PALM: variants seen among roughly 807,000 people sequenced by gnomAD.
The protein encoded by PALM is paralemmin.
In PALM, 18 loss-of-function variants were observed where a neutral mutation model predicts 30.7. The ratio of observed to expected loss-of-function variants is 0.59; its 90% confidence interval spans 0.41 to 0.87. PALM has a LOEUF of 0.87. Among genes scored for constraint, PALM ranks in the 40% least tolerant of loss-of-function variants. PALM has a pLI of 0.00. For missense variants in PALM, 529 were observed against 555.4 expected (o/e 0.95, Z 0.48); for synonymous variants, 286 against 242.8 (o/e 1.18, Z -1.66).
intron 8 of PALM, among the ~76,000 whole-genome samples, chr19:743,781 G>A (rs964931813): frequency 9.2e-5 from 14 of 152,174 alleles, no homozygotes; most frequent in African/African-American, 3.4e-4. Flanking sequence ...GGTCCTTGGA[G>A]AGTCCAACAC....
intron 2 of PALM, 23 bp from the exon 3 acceptor site, chr19:726,985 A>ACCCCCCCCCGCCCC: frequency 6.3e-6 from 6 of 945,364 alleles, no homozygotes; most frequent in East Asian, 6.1e-5. Context: ...CCCATCCCTG[A>ACCCCCCCCCGCCCC]CCCCACCCGG....
intron 1 of PALM, among the ~76,000 whole-genome samples, chr19:720,251 T>C (rs1441866556): frequency 1.3e-5 from 2 of 151,670 alleles, no homozygotes; most frequent in South Asian, 4.1e-4. Context: ...GACGGCGCGG[T>C]TGCCACGGCG....
intron 1 of PALM, among the ~76,000 whole-genome samples, chr19:717,598 C>G (rs562468741): frequency 5.3e-5 from 8 of 152,168 alleles, no homozygotes; most frequent in Non-Finnish European, 1.2e-4. Flanking sequence ...AGTTACCCCC[C>G]GAGATGGTTG....
chr19:723,236 C>T (rs552310025), intron 1 of PALM, among the ~76,000 whole-genome samples: 167 of 152,172 alleles, frequency 1.1e-3, no homozygotes, highest in Middle Eastern at 3.4e-3. Flanking sequence ...CAGAGAGGCA[C>T]GAGGGCTCTT....
chr19:726,965 G>GGGGGC, intron 2 of PALM, 43 bp from the exon 3 acceptor site: 2 of 1,037,618 alleles, frequency 1.9e-6, no homozygotes, highest in Non-Finnish European at 1.4e-6. Context: ...GGGTCTCCGG[G>GGGGGC]ACCCCCACGC....
intron 1 of PALM, among the ~76,000 whole-genome samples, chr19:720,834 G>A (rs114114535): frequency 0.041 from 6,204 of 152,234 alleles, 283 homozygotes; most frequent in African/African-American, 0.11. Context: ...CGGTCTGAGC[G>A]GCCACCTGCC....
intron 5 of PALM, among the ~76,000 whole-genome samples, chr19:733,532 G>A (rs950524285): frequency 1.3e-5 from 2 of 152,184 alleles, no homozygotes; most frequent in African/African-American, 2.4e-5. Context: ...TCAGACAGGC[G>A]ACACTAGACC....
intron 7 of PALM, 55 bp from the exon 8 acceptor site, chr19:740,297 C>T (rs1308756628): frequency 3.4e-6 from 5 of 1,491,746 alleles, no homozygotes; most frequent in Admixed American, 4.3e-5. Context: ...CGCAGCCCGG[C>T]GGGGGGGTGC....
chr19:724,510 G>T (rs546393739), intron 1 of PALM, among the ~76,000 whole-genome samples: 1 of 152,080 alleles, frequency 6.6e-6, no homozygotes, highest in East Asian at 1.9e-4. Context: ...AGTAGAGACG[G>T]GGGTTTCACC....
intron 4 of PALM, among the ~76,000 whole-genome samples, chr19:728,277 G>A (rs944871124): frequency 2.0e-5 from 3 of 152,148 alleles, no homozygotes; most frequent in East Asian, 1.9e-4. Flanking sequence ...GGCTGTGCTC[G>A]GGGGCAGCAG....
chr19:710,537 G>A (rs539634335), intron 1 of PALM, among the ~76,000 whole-genome samples: 243 of 152,274 alleles, frequency 1.6e-3, no homozygotes, highest in African/African-American at 5.7e-3. Flanking sequence ...GGACGACGGA[G>A]ATCTCCCTCC....
intron 5 of PALM, among the ~76,000 whole-genome samples, chr19:733,635 G>A (rs930986518): frequency 7.9e-5 from 12 of 152,214 alleles, no homozygotes; most frequent in Non-Finnish European, 1.8e-4. Context: ...GGAGGAGCCG[G>A]CTGGATTCAG....
At chr19:745,686 GAAA>G (rs5826707) in intron 8 of PALM, among the ~76,000 whole-genome samples, 1 of 137,450 alleles carries the variant, frequency 7.3e-6, no homozygotes, top group Non-Finnish European at 1.5e-5. Flanking sequence ...CTCCATCTCA[GAAA>G]AAAAAAAAAA....
chr19:724,405 C>G (rs927373101), intron 1 of PALM, among the ~76,000 whole-genome samples: 4 of 151,068 alleles, frequency 2.6e-5, no homozygotes, highest in Non-Finnish European at 5.9e-5. Context: ...CATGCAACCT[C>G]TGCCTCCTGG....
chr19:733,625 G>A (rs1157236029), intron 5 of PALM, among the ~76,000 whole-genome samples: 3 of 152,212 alleles, frequency 2.0e-5, no homozygotes, highest in South Asian at 2.1e-4. Flanking sequence ...GAGGGGGCAC[G>A]GAGGAGCCGG....
At chr19:724,255 T>C (rs971467018) in intron 1 of PALM, among the ~76,000 whole-genome samples, 1 of 152,138 alleles carries the variant, frequency 6.6e-6, no homozygotes, top group Admixed American at 6.6e-5. Context: ...GGGCCCTGTA[T>C]CTTTGAAGCC....
At chr19:741,057 T>G (rs1179469464) in intron 8 of PALM, among the ~76,000 whole-genome samples, 1 of 151,896 alleles carries the variant, frequency 6.6e-6, no homozygotes, top group Non-Finnish European at 1.5e-5. Context: ...GAGGATCACT[T>G]GGGCCCAGGA....
Position 736,057 on chromosome 19 carries a change from G to T in PALM, c.481G>T (p.Gly161Cys). 6.2e-7 allele frequency: 1 copy of T among 1,610,248 alleles called. No homozygotes were observed. Reference protein sequence around the residue: ...VSNTPLRTVDGSPMMKAAMYS... With the variant: ...VSNTPLRTVDCSPMMKAAMYS... ...CAACACGCCCCTGAGGACGGTTGAC[G>T]GCTCCCCCATGATGAAGGCAGGTGG... is the stretch of plus-strand genomic sequence containing the variant. The change falls in exon 7 of 9, where the codon GGC becomes TGC. Residue 161 changes from glycine (G) to cysteine (C), a missense_variant. Transcript: ENST00000338448.
In PALM at chr19:742,910, G is replaced by A. The variant is rs1387330632; in HGVS notation, c.634+2427G>A. On this transcript the variant is annotated intron_variant, in intron 8 of 8. Coordinates refer to ENST00000338448, the MANE Select transcript of PALM (RefSeq NM_002579.3). This position sits in a 1 kb window ranked among gnomAD's most constrained non-coding sequence, Gnocchi z 5.5. ...GCCCCTGCTTTCGAGGCCTTTGGGT[G>A]TACACGTAGGAGTGAACTGCTGGGT... Among the ~76,000 whole-genome samples, 2 of 152,200 alleles carry A rather than the reference G, an allele frequency of 1.3e-5. No homozygotes were observed. Among genetic ancestry groups the A allele is most frequent in the Non-Finnish European group, 2.9e-5 (2 of 68,042 alleles).
Sources: allele counts gnomAD v4.1 joint callset (sites outside exome capture counted in the v4.1 genomes callset), GRCh38; gene constraint gnomAD v4.1.1; non-coding constraint Gnocchi (gnomAD v3.1); transcripts MANE v1.5; gene names NCBI Gene and HGNC (gene_info 2026-07-23, HGNC 2026-07-21).